The following DHX38 variants were observed in gnomAD, a reference collection of about 807,000 sequenced individuals.
DHX38 encodes DEAH-box helicase 38.
A neutral mutation model predicts 153.1 loss-of-function variants in DHX38; 100 were observed. That is an observed-to-expected ratio of 0.65 (90% CI 0.56 to 0.77). The LOEUF (loss-of-function observed/expected upper bound fraction) is 0.77. DHX38 is among the 30% of genes least tolerant of loss of function. DHX38 has a pLI of 0.00. For missense variants in DHX38, 1,440 were observed against 1,654.0 expected (o/e 0.87, Z 2.24); for synonymous variants, 650 against 631.7 (o/e 1.03, Z -0.43).
chr16:72,097,130 C>A, intron 3 of DHX38, 121 bp downstream of exon 3: 2 of 1,150,646 alleles, frequency 1.7e-6, no homozygotes, highest in Admixed American at 2.7e-5. Context: ...GCATGATGTC[C>A]GCCTGAGTGG....
chr16:72,105,089 G>C lies in DHX38; in HGVS notation c.2214G>C (p.Gly738=). The C allele has an allele frequency of 6.2e-7, 1 of 1,614,216 alleles. No individual in the cohort carries two copies. ...AGTCCTTGCAGGTGCACCTGTCGGG[G>C]GCCCCTGGAGACATCCTTATCTTCA... ...VKQSLQVHLS[G]APGDILIFMP... is the part of the protein sequence containing the mutation. Residue 738 remains glycine (G), a synonymous_variant, in exon 16 of 27, where the codon GGG becomes GGC. Transcript: ENST00000268482.
At position 72,103,319 on chromosome 16, in the gene DHX38, AG is replaced by A. The variant is rs1167252153; in HGVS notation, c.1637+111del. On this transcript the variant is annotated intron_variant, in intron 12 of 26. Coordinates refer to ENST00000268482, the MANE Select transcript of DHX38 (RefSeq NM_014003.4). ...TTTTGTGCATTGCACCCAGTGGAGA[AG>A]GGAAATACTTTTTTCCTCTGACCTC... The A allele has an allele frequency of 5.5e-6, 8 of 1,441,482 alleles. No individual in the cohort carries two copies. In the African/African-American group the frequency reaches 1.0e-4, roughly 18 times the overall value. The allele number at this position is 1,441,482 out of a possible 1,614,324, so 89.3% of individuals were successfully genotyped here.
rs573041150 is a variant in DHX38, at chr16:72,103,312, G to T, written c.1637+101G>T. 107 of 1,456,538 alleles carry T rather than the reference G, an allele frequency of 7.3e-5. No individual in the cohort carries two copies. The South Asian group carries it at 1.3e-3, about 18-fold the overall frequency. The allele number at this position is 1,456,538 out of a possible 1,614,324, so 90.2% of individuals were successfully genotyped here. ...CTTTTTCTTTTGTGCATTGCACCCA[G>T]TGGAGAAGGGAAATACTTTTTTCCT... is the stretch of plus-strand genomic sequence containing the variant. On this transcript the variant is annotated intron_variant, in intron 12 of 26. Coordinates refer to ENST00000268482, the MANE Select transcript of DHX38 (RefSeq NM_014003.4).
rs751863452 is a variant in DHX38 at position 72,096,169 on chromosome 16, C to A, written c.12C>A (p.Thr4=). Reference sequence around the variant, plus strand: ...TCCCAGATCCTGTGATGGGGGACACCAGTGAGGATGCCTCGATCCATCGAT... The same window carrying A: ...TCCCAGATCCTGTGATGGGGGACACAAGTGAGGATGCCTCGATCCATCGAT... The part of the protein sequence containing the change: MGD[T]SEDASIHRLE... The change falls in exon 2 of 27, where the codon ACC becomes ACA. Residue 4 remains threonine (T), a synonymous_variant. Coordinates refer to ENST00000268482, the MANE Select transcript of DHX38 (RefSeq NM_014003.4). 2 of 1,600,078 alleles carry A rather than the reference C, an allele frequency of 1.2e-6. No individual in the cohort carries two copies. Among genetic ancestry groups the A allele is most frequent in the African/African-American group, 1.3e-5 (1 of 74,658 alleles).
At chr16:72,103,479 T>A in intron 12 of DHX38, 123 bp from the exon 13 acceptor site, 2 of 1,165,450 alleles carry the variant, frequency 1.7e-6, no homozygotes, top group Non-Finnish European at 2.4e-6. Flanking sequence ...AAATTCTCCC[T>A]TCTAAACCGG....
intron 26 of DHX38, among the ~76,000 whole-genome samples, chr16:72,112,002 C>G (rs1456466293): frequency 6.6e-6 from 1 of 152,140 alleles, no homozygotes; most frequent in Non-Finnish European, 1.5e-5. Flanking sequence ...AGCATAATCT[C>G]TCAAACGAGG....
At chr16:72,110,575 C>T (rs1038174923) in intron 25 of DHX38, among the ~76,000 whole-genome samples, 1 of 152,226 alleles carries the variant, frequency 6.6e-6, no homozygotes, top group Non-Finnish European at 1.5e-5. Flanking sequence ...TACCCCTTTT[C>T]GTAGCATAAT....
rs1283255240 is a variant in DHX38 at position 72,107,370 on chromosome 16, G to A, written c.2631G>A (p.Glu877=). The A allele has an allele frequency of 6.2e-7, 1 of 1,612,500 alleles. No homozygotes were observed. The highest frequency in any genetic ancestry group is 1.7e-5 in the Admixed American group (1 of 60,026). The change falls in exon 20 of 27, where the codon GAG becomes GAA. Residue 877 remains glutamate (E), a synonymous_variant. Transcript: ENST00000268482. This position sits in a 1 kb window ranked among gnomAD's most constrained non-coding sequence, Gnocchi z 5.3. ...RLYTQSAYKN[E]LLTTTVPEIQ... Reference sequence around the variant, plus strand: ...ACACCCAGAGCGCCTACAAGAATGAGCTCCTGACCACCACAGTGCCCGAGA... The same window carrying A: ...ACACCCAGAGCGCCTACAAGAATGAACTCCTGACCACCACAGTGCCCGAGA...
At position 72,107,296 on chromosome 16, in the gene DHX38, T is replaced by C. The variant is rs1597447128; in HGVS notation, c.2601-44T>C. ...GGGATTTCATCTGTACTGGCTGCTG[T>C]GGGGTTTCCTTGTGGTGAGAAGATG... On this transcript the variant is annotated intron_variant, in intron 19 of 26. Coordinates refer to ENST00000268482, the MANE Select transcript of DHX38 (RefSeq NM_014003.4). The surrounding 1 kb of genome is among the most constrained non-coding windows in gnomAD (Gnocchi z 5.3). 1 of 1,570,836 alleles carries C rather than the reference T, an allele frequency of 6.4e-7. No homozygotes were observed. The highest frequency in any genetic ancestry group is 8.6e-7 in the Non-Finnish European group (1 of 1,161,630).
chr16:72,108,273 C>T lies in DHX38; in HGVS notation c.3011C>T (p.Pro1004Leu). Residue 1004 changes from proline to leucine, a missense_variant, in exon 22 of 27, where the codon CCT becomes CTT. Physicochemically the swap from Pro to Leu is moderately conservative, Grantham distance 98 (BLOSUM62 -3). This residue lies in a region of DHX38 where 543 missense variants were observed against 717.9 expected (regional missense o/e 0.76). Coordinates refer to ENST00000268482, the MANE Select transcript of DHX38 (RefSeq NM_014003.4). ...CAAATCCGGGAGAAGTTCGCTGTTC[C>T]TGAGAGCGATCATTTGACCTACCTG... ...SDQIREKFAV[P>L]ESDHLTYLNV... The T allele has an allele frequency of 6.2e-7, 1 of 1,614,102 alleles. No individual in the cohort carries two copies. The highest frequency in any genetic ancestry group is 8.5e-7 in the Non-Finnish European group (1 of 1,180,032).
Position 72,100,501 on chromosome 16 carries a change from T to C in DHX38, c.1182T>C (p.Asp394=). ...GGGTGGTCCATCGGCTGGAGGTGGA[T>C]GAGGACTTTGAAGAGGACAACGCGG... The part of the protein sequence containing the change: ...TSGVVHRLEV[D]EDFEEDNAAK... The change falls in exon 9 of 27, where the codon GAT becomes GAC. Residue 394 remains aspartate (D), a synonymous_variant. Coordinates refer to ENST00000268482, the MANE Select transcript of DHX38 (RefSeq NM_014003.4). 6.2e-7 allele frequency: 1 copy of C among 1,614,072 alleles called. No individual in the cohort carries two copies. The highest frequency in any genetic ancestry group is 1.1e-5 in the South Asian group (1 of 91,076).
chr16:72,105,011 C>T lies in DHX38; in HGVS notation c.2152-16C>T. 1.2e-6 allele frequency: 2 copies of T among 1,611,984 alleles called. No individual in the cohort carries two copies. The highest frequency in any genetic ancestry group is 1.7e-6 in the Non-Finnish European group (2 of 1,178,650). On this transcript the variant is annotated splice_polypyrimidine_tract_variant and intron_variant, in intron 15 of 26. Transcript: ENST00000268482. ...TCTAGTACCTCCCTCTGACTGTGTC[C>T]CCACTGCTGTTGCAGACCCCACAGG...
At chr16:72,105,208 C>G in intron 16 of DHX38, 24 bp from the exon 17 acceptor site, 1 of 1,613,958 alleles carries the variant, frequency 6.2e-7, no homozygotes, top group Non-Finnish European at 8.5e-7. Flanking sequence ...TCCAGTGTCT[C>G]ACAGCTCCTC....
intron 25 of DHX38, 194 bp downstream of exon 25, chr16:72,109,704 A>C (rs766852212): frequency 2.3e-5 from 11 of 473,964 alleles, no homozygotes; most frequent in Non-Finnish European, 3.6e-5. Context: ...AGCCTTTAAA[A>C]ACAAAACCAA....
chr16:72,102,743 T>G (rs968800805), intron 11 of DHX38, among the ~76,000 whole-genome samples: 2 of 152,210 alleles, frequency 1.3e-5, no homozygotes, highest in African/African-American at 4.8e-5. Flanking sequence ...TTTCTACAAG[T>G]TAGTGACCTG....
intron 25 of DHX38, 98 bp downstream of exon 25, chr16:72,109,608 C>A: frequency 9.0e-7 from 1 of 1,111,510 alleles, no homozygotes; most frequent in Non-Finnish European, 1.2e-6. Context: ...AACCCACTTA[C>A]TTCTCTCTGC....
Position 72,105,567 on chromosome 16 carries a change from G to A in DHX38, c.2430G>A (p.Thr810=), listed in dbSNP as rs201787998. The change falls in exon 18 of 27, where the codon ACG becomes ACA. Residue 810 remains threonine (T), a synonymous_variant. Transcript: ENST00000268482. The part of the protein sequence containing the change: ...KCIVATNIAE[T]SLTVDGIMFV... The stretch of plus-strand genomic sequence containing the variant: ...TCGTTGCCACCAATATTGCCGAGAC[G>A]TCTCTCACTGTTGACGGCATCATGT... 1.8e-5 allele frequency: 29 copies of A among 1,614,182 alleles called. No homozygotes were observed. The East Asian group carries it at 2.7e-4, about 15-fold the overall frequency.
rs774114256 is a variant in DHX38, at chr16:72,097,757, G to C, written c.592G>C (p.Glu198Gln). Residue 198 changes from glutamate to glutamine, a missense_variant, in exon 4 of 27, where the codon GAG becomes CAG. Glu to Gln is a conservative substitution (Grantham distance 29). Transcript: ENST00000268482. ...SERSSRRNEPESPRHRPKDAA... is the reference protein window; with the variant it reads ...SERSSRRNEPQSPRHRPKDAA... ...GCGTAGCAGCAGAAGAAATGAACCCGAGAGCCCACGACATCGACCTAAAGG... is the reference window on the plus strand; with the variant it reads ...GCGTAGCAGCAGAAGAAATGAACCCCAGAGCCCACGACATCGACCTAAAGG... 4.3e-6 allele frequency: 7 copies of C among 1,613,912 alleles called. No individual in the cohort carries two copies. Among genetic ancestry groups the C allele is most frequent in the Non-Finnish European group, 5.9e-6 (7 of 1,179,862 alleles).
chr16:72,107,809 C>T lies in DHX38; in HGVS notation c.2964+10C>T, dbSNP rs756016221. 11 of 1,611,502 alleles carry T rather than the reference C, an allele frequency of 6.8e-6. No homozygotes were observed. Among genetic ancestry groups the T allele is most frequent in the East Asian group, 2.2e-5 (1 of 44,844 alleles). On this transcript the variant is annotated intron_variant, in intron 21 of 26. Coordinates refer to ENST00000268482, the MANE Select transcript of DHX38 (RefSeq NM_014003.4). The surrounding 1 kb of genome is among the most constrained non-coding windows in gnomAD (Gnocchi z 5.3). ...CTTCTACAGGCCCAAGGTGGGGCAG[C>T]GGCTGGCTCCCCTCTCCCCGGAGGG...
Sources: gnomAD v4.1 joint callset for allele counts (sites outside exome capture counted in the v4.1 genomes callset) on GRCh38, gnomAD v4.1.1 for gene constraint, gnomAD v4.1.1 regional missense constraint, Gnocchi (gnomAD v3.1) non-coding constraint, MANE v1.5 for transcripts, NCBI Gene and HGNC (gene_info 2026-07-23, HGNC 2026-07-21) for gene names.